The following CUL5 variants were observed in gnomAD, a reference collection of about 807,000 sequenced individuals.
CUL5 encodes cullin-5.
CUL5 carries 26 observed loss-of-function variants against 108.8 expected under a neutral mutation model. The observed-to-expected ratio is 0.24, with a 90% CI of 0.18 to 0.33. CUL5 has a LOEUF of 0.33. CUL5 is among the 10% of genes least tolerant of loss of function. The pLI is 1.00. For missense variants in CUL5, 524 were observed against 909.2 expected (o/e 0.58, Z 5.45); for synonymous variants, 334 against 298.0 (o/e 1.12, Z -1.25).
At chr11:108,060,830 A>G (rs1863514733) in intron 7 of CUL5, among the ~76,000 whole-genome samples, 1 of 150,042 alleles carries the variant, frequency 6.7e-6, no homozygotes, top group South Asian at 2.1e-4. Context: ...AACTGTCTCA[A>G]AAAAAAAAAG....
intron 1 of CUL5, among the ~76,000 whole-genome samples, chr11:108,031,703 T>G (rs1281565946): frequency 6.6e-6 from 1 of 152,224 alleles, no homozygotes; most frequent in East Asian, 1.9e-4. Flanking sequence ...TGCTGTCGTA[T>G]AAAGACACAT....
intron 18 of CUL5, among the ~76,000 whole-genome samples, 174 bp downstream of exon 18, chr11:108,098,703 G>A (rs1381076340): frequency 6.6e-6 from 1 of 151,606 alleles, no homozygotes; most frequent in Non-Finnish European, 1.5e-5. Context: ...GCAACAAAGT[G>A]AGATCTTGTC....
intron 1 of CUL5, among the ~76,000 whole-genome samples, chr11:108,014,493 G>A (rs1489615351): frequency 1.3e-5 from 2 of 152,118 alleles, no homozygotes; most frequent in Admixed American, 6.6e-5. Context: ...AAAATATGTG[G>A]GCAGAGATAC....
intron 1 of CUL5, among the ~76,000 whole-genome samples, chr11:108,032,184 G>A (rs1056471313): frequency 3.3e-5 from 5 of 152,112 alleles, no homozygotes; most frequent in South Asian, 2.1e-4. Context: ...AAAGAAAATC[G>A]TGACTTTTGT....
chr11:108,064,337 G>A (rs761850225), intron 7 of CUL5, among the ~76,000 whole-genome samples: 1 of 152,162 alleles, frequency 6.6e-6, no homozygotes, highest in Admixed American at 6.5e-5. Context: ...ATCAATTTGT[G>A]TATGTTGAAC....
At chr11:108,026,917 A>G (rs903445545) in intron 1 of CUL5, among the ~76,000 whole-genome samples, 13 of 148,304 alleles carry the variant, frequency 8.8e-5, no homozygotes, top group African/African-American at 3.0e-4. Flanking sequence ...TGAACTTGGG[A>G]GGCGGAGGTT....
chr11:108,041,612 C>T (rs1220075171), intron 2 of CUL5, among the ~76,000 whole-genome samples: 2 of 146,240 alleles, frequency 1.4e-5, no homozygotes, highest in Non-Finnish European at 3.0e-5. Flanking sequence ...CTTTTTTAGA[C>T]AAAGTTTTGC....
At chr11:108,067,984 A>C (rs1164339647) in intron 7 of CUL5, among the ~76,000 whole-genome samples, 1 of 151,652 alleles carries the variant, frequency 6.6e-6, no homozygotes, top group African/African-American at 2.4e-5. Flanking sequence ...GCTGGAGTGC[A>C]ATGGCACGAT....
At chr11:108,038,832 G>A (rs1290165075) in intron 2 of CUL5, among the ~76,000 whole-genome samples, 1 of 152,058 alleles carries the variant, frequency 6.6e-6, no homozygotes, top group Non-Finnish European at 1.5e-5. Flanking sequence ...CATTTAGGTT[G>A]CTTATATCTT....
rs200991204 is a variant in CUL5, at chr11:108,048,648, CTTTTTTTTTTTTTTTTTTTT to C, written c.235-1225_235-1206del. Among the ~76,000 whole-genome samples, 313 of 116,838 alleles carry C rather than the reference CTTTTTTTTTTTTTTTTTTTT, an allele frequency of 2.7e-3. 8 individuals carry two copies. The South Asian group carries it at 0.032, about 12-fold the overall frequency. 76.7% of individuals were successfully genotyped at this position (116,838 alleles called of 152,430 possible). ...ATAGTGGGGAAATAGACTCCACCACCTTTTTTTTTTTTTTTTTTTTTTTTTTTTTTTTTTTTGAGGTGGAT... is the reference window on the plus strand; with the variant it reads ...ATAGTGGGGAAATAGACTCCACCACCTTTTTTTTTTTTTTTTGAGGTGGAT... On this transcript the variant is annotated intron_variant, in intron 3 of 18. Coordinates refer to ENST00000393094, the MANE Select transcript of CUL5 (RefSeq NM_003478.6).
At chr11:108,051,308 A>C (rs1363962551) in intron 4 of CUL5, among the ~76,000 whole-genome samples, 1 of 152,212 alleles carries the variant, frequency 6.6e-6, no homozygotes, top group Non-Finnish European at 1.5e-5. Flanking sequence ...GGGAAGCAGC[A>C]TCCACTTAGT....
At chr11:108,083,510 G>A (rs1864149780) in intron 11 of CUL5, among the ~76,000 whole-genome samples, 1 of 152,190 alleles carries the variant, frequency 6.6e-6, no homozygotes, top group African/African-American at 2.4e-5. Context: ...ACATTTCTAG[G>A]CTGGGTGCCA....
chr11:108,084,066 G>C (rs1028566636), intron 11 of CUL5, among the ~76,000 whole-genome samples: 4 of 152,136 alleles, frequency 2.6e-5, no homozygotes, highest in Admixed American at 6.6e-5. Flanking sequence ...TTCTTCCAGT[G>C]TGGCCCAGGG....
At chr11:108,083,096 T>C (rs1420419951) in intron 11 of CUL5, among the ~76,000 whole-genome samples, 1 of 152,226 alleles carries the variant, frequency 6.6e-6, no homozygotes, top group East Asian at 1.9e-4. Context: ...TATTTTCTTT[T>C]CTCTGACTAA....
chr11:108,040,152 T>A (rs1862857540), intron 2 of CUL5, among the ~76,000 whole-genome samples: 1 of 152,256 alleles, frequency 6.6e-6, no homozygotes. Flanking sequence ...ATAAAGTTTT[T>A]AAAAAGATTT....
intron 11 of CUL5, among the ~76,000 whole-genome samples, chr11:108,080,741 A>T (rs1864058230): frequency 6.6e-6 from 1 of 151,980 alleles, no homozygotes; most frequent in Admixed American, 6.6e-5. Flanking sequence ...GTTGAGTTGT[A>T]AGAGTTCTTT....
At chr11:108,101,415 A>G (rs1388386795) in intron 18 of CUL5, among the ~76,000 whole-genome samples, 1 of 152,162 alleles carries the variant, frequency 6.6e-6, no homozygotes, top group African/African-American at 2.4e-5. Context: ...AGATGAATTT[A>G]TGGTTCATTC....
In CUL5 at chr11:108,054,670, G is replaced by A; in HGVS notation, c.577G>A (p.Asp193Asn). 3 of 1,596,832 alleles carry A rather than the reference G, an allele frequency of 1.9e-6. No homozygotes were observed. Among genetic ancestry groups the A allele is most frequent in the Non-Finnish European group, 2.6e-6 (3 of 1,167,026 alleles). ...AGTTAACCTTTGTTCTAATCCTGAG[G>A]ATAAACTTCAAATTTATAGGGACAA... ...SYVNLCSNPEDKLQIYRDNFE... is the reference protein window; with the variant it reads ...SYVNLCSNPENKLQIYRDNFE... The change falls in exon 6 of 19, where the codon GAT becomes AAT. Residue 193 changes from aspartate to asparagine, a missense_variant. Around this residue, in one of 8 missense-constraint regions of CUL5, gnomAD observed 170 missense variants for 305.1 expected, o/e 0.56. Coordinates refer to ENST00000393094, the MANE Select transcript of CUL5 (RefSeq NM_003478.6).
At chr11:108,066,300 C>T (rs145351218) in intron 7 of CUL5, among the ~76,000 whole-genome samples, 5 of 152,018 alleles carry the variant, frequency 3.3e-5, no homozygotes, top group African/African-American at 1.2e-4. Context: ...GCCAAGATCA[C>T]GCCACTGCAC....
Sources: allele counts gnomAD v4.1 joint callset (sites outside exome capture counted in the v4.1 genomes callset), GRCh38; gene constraint gnomAD v4.1.1; regional missense constraint gnomAD v4.1.1; transcripts MANE v1.5; gene names NCBI Gene and HGNC (gene_info 2026-07-23, HGNC 2026-07-21).